The following DGLUCY variants were observed in gnomAD, a reference collection of about 807,000 sequenced individuals.
DGLUCY encodes D-glutamate cyclase, also known as D-glutamate cyclase, mitochondrial.
In DGLUCY, 58 loss-of-function variants were observed where a neutral mutation model predicts 58.5. The observed-to-expected ratio is 0.99, with a 90% confidence interval of 0.80 to 1.23. DGLUCY has a LOEUF of 1.23. DGLUCY is among the 50% of genes most tolerant of loss of function. The pLI, the probability that DGLUCY is intolerant of heterozygous loss-of-function variation, is 0.00. For missense variants in DGLUCY, 779 were observed against 784.7 expected, an observed-to-expected ratio of 0.99 and a Z score of 0.09; for synonymous variants, 325 against 314.1, an observed-to-expected ratio of 1.03 and a Z score of -0.37.
intron 7 of DGLUCY, among the ~76,000 whole-genome samples, chr14:91,177,796 G>A (rs2048944876): frequency 1.3e-5 from 2 of 152,250 alleles, no homozygotes; most frequent in African/African-American, 4.8e-5. Flanking sequence ...AGATCCACAG[G>A]ATTCCATTTG....
intron 8 of DGLUCY, among the ~76,000 whole-genome samples, chr14:91,182,829 G>A (rs2049267954): frequency 2.0e-5 from 3 of 152,148 alleles, no homozygotes; most frequent in Admixed American, 2.0e-4. Flanking sequence ...TGTGGCTTTG[G>A]AGCCACTGGC....
intron 1 of DGLUCY, among the ~76,000 whole-genome samples, chr14:91,075,693 AAT>A (rs1490384505): frequency 6.6e-6 from 1 of 152,214 alleles, no homozygotes; most frequent in Non-Finnish European, 1.5e-5. Context: ...TGCGTCTTAT[AAT>A]ACCTGAAGTC....
At chr14:91,177,713 A>G (rs2048939092) in intron 7 of DGLUCY, among the ~76,000 whole-genome samples, 1 of 152,256 alleles carries the variant, frequency 6.6e-6, no homozygotes, top group Non-Finnish European at 1.5e-5. Flanking sequence ...AGCATTCGTG[A>G]GAGTTCAGCT....
intron 1 of DGLUCY, among the ~76,000 whole-genome samples, chr14:91,102,489 G>A (rs1003100205): frequency 1.3e-5 from 2 of 151,958 alleles, no homozygotes; most frequent in African/African-American, 4.8e-5. Context: ...CTCCTCCTCC[G>A]GCCCCGGGAC....
intron 3 of DGLUCY, among the ~76,000 whole-genome samples, chr14:91,161,879 A>G (rs368370365): frequency 6.6e-6 from 1 of 151,650 alleles, no homozygotes; most frequent in Non-Finnish European, 1.5e-5. Flanking sequence ...TACCTAATAT[A>G]TACAGAGAGA....
At chr14:91,101,492 A>G (rs2044486330) in intron 1 of DGLUCY, among the ~76,000 whole-genome samples, 1 of 152,240 alleles carries the variant, frequency 6.6e-6, no homozygotes, top group African/African-American at 2.4e-5. Context: ...CTCAGAAAGC[A>G]GGCATCCCTG....
chr14:91,075,257 C>T (rs2044001240), intron 1 of DGLUCY, among the ~76,000 whole-genome samples: 1 of 152,104 alleles, frequency 6.6e-6, no homozygotes, highest in South Asian at 2.1e-4. Context: ...CATCCTCCTC[C>T]TACAGGGTTG....
chr14:91,170,501 G>A (rs1256264925), intron 5 of DGLUCY, among the ~76,000 whole-genome samples: 1 of 152,122 alleles, frequency 6.6e-6, no homozygotes, highest in East Asian at 1.9e-4. Context: ...GCACCTCAGC[G>A]AGATTTTTAA....
intron 11 of DGLUCY, among the ~76,000 whole-genome samples, chr14:91,200,574 T>C (rs1458218217): frequency 1.3e-5 from 2 of 152,152 alleles, no homozygotes; most frequent in African/African-American, 2.4e-5. Context: ...AATATATGAT[T>C]AATATTTCAA....
chr14:91,213,318 C>T (rs113021827), intron 12 of DGLUCY, among the ~76,000 whole-genome samples: 6,763 of 152,046 alleles, frequency 0.044, 253 homozygotes, highest in East Asian at 0.17. Context: ...ACCTGTAGTC[C>T]CAGCTACTCG....
chr14:91,109,178 T>C (rs1222848796), upstream of DGLUCY, among the ~76,000 whole-genome samples: 1 of 152,164 alleles, frequency 6.6e-6, no homozygotes. Context: ...ATGGTATTAT[T>C]TGTGGCTGAG....
chr14:91,207,056 G>C (rs182974271), intron 12 of DGLUCY, among the ~76,000 whole-genome samples: 4 of 151,022 alleles, frequency 2.6e-5, no homozygotes, highest in Non-Finnish European at 5.9e-5. Flanking sequence ...TACGTGGGGG[G>C]GCTGAGGTGG....
intron 13 of DGLUCY, among the ~76,000 whole-genome samples, chr14:91,220,262 G>A (rs907327724): frequency 2.6e-5 from 4 of 152,228 alleles, no homozygotes; most frequent in South Asian, 2.1e-4. Context: ...CGGTCTCCTC[G>A]AGTGGGGCCG....
chr14:91,119,761 G>C (rs2045239347), intron 1 of DGLUCY, among the ~76,000 whole-genome samples: 1 of 152,180 alleles, frequency 6.6e-6, no homozygotes, highest in African/African-American at 2.4e-5. Flanking sequence ...CCCGCCCTCA[G>C]TCTGGGTGGG....
chr14:91,199,940 T>C (rs955791712), intron 11 of DGLUCY, 35 bp downstream of exon 11: 8 of 1,612,804 alleles, frequency 5.0e-6, no homozygotes, highest in Middle Eastern at 1.7e-4. Context: ...ACCAAGAACG[T>C]GGCCCCATGA....
intron 3 of DGLUCY, among the ~76,000 whole-genome samples, chr14:91,165,588 C>T (rs985942781): frequency 6.6e-6 from 1 of 152,150 alleles, no homozygotes; most frequent in African/African-American, 2.4e-5. Flanking sequence ...AATCTGCCCC[C>T]CAAAAAGATA....
chr14:91,161,694 C>T (rs890325281), intron 3 of DGLUCY, among the ~76,000 whole-genome samples: 6 of 151,868 alleles, frequency 4.0e-5, no homozygotes, highest in African/African-American at 9.7e-5. Flanking sequence ...GTCCCATTGG[C>T]GAAAGCAAAT....
rs748401611 is a variant in DGLUCY at position 91,223,716 on chromosome 14, A to G, written c.1717-968A>G. Reference sequence around the variant, plus strand: ...AGAAAGCTCTAGGCTAAAGGCCAGAAGACCTAGCCCTGCCAATAAAATCAA... The same window carrying G: ...AGAAAGCTCTAGGCTAAAGGCCAGAGGACCTAGCCCTGCCAATAAAATCAA... On this transcript the variant is annotated intron_variant, in intron 13 of 13. Transcript: ENST00000256324. The G allele has an allele frequency of 3.2e-4, 410 of 1,287,936 alleles. 2 individuals carry two copies. The highest frequency in any genetic ancestry group is 2.1e-3 in the Middle Eastern group (10 of 4,678). 79.8% of individuals were successfully genotyped at this position (1,287,936 alleles called of 1,614,324 possible).
intron 13 of DGLUCY, chr14:91,215,933 C>T: frequency 5.1e-6 from 2 of 390,146 alleles, no homozygotes; most frequent in South Asian, 4.4e-5. Flanking sequence ...CCTGTCAGCC[C>T]CCTCCAAGGA....
Sources: gnomAD v4.1 joint callset for allele counts (sites outside exome capture counted in the v4.1 genomes callset) on GRCh38, gnomAD v4.1.1 for gene constraint, MANE v1.5 for transcripts, NCBI Gene and HGNC (gene_info 2026-07-23, HGNC 2026-07-21) for gene names.